Variants in PDE4D observed in about 807,000 individuals in gnomAD.
The protein encoded by PDE4D is 3',5'-cyclic-AMP phosphodiesterase 4D.
Under a neutral mutation model 87.4 loss-of-function variants are expected in PDE4D, and 24 were observed. That is an observed-to-expected ratio of 0.27 (90% CI 0.20 to 0.39). PDE4D has a LOEUF of 0.39. Ranked by LOEUF, PDE4D falls within the 10% of genes least tolerant of loss-of-function variation. PDE4D has a pLI of 1.00. For missense variants in PDE4D, 714 were observed against 1,041.0 expected (o/e 0.69, Z 4.32); for synonymous variants, 384 against 383.2 (o/e 1.00, Z -0.02).
chr5:60,345,729 A>T (rs1286805040), intron 1 of PDE4D, among the ~76,000 whole-genome samples: 1 of 152,042 alleles, frequency 6.6e-6, no homozygotes, highest in Non-Finnish European at 1.5e-5. Context: ...ACTTTTTATT[A>T]TTAATAGTAT....
At chr5:60,194,141 GA>G (rs534149406) in intron 1 of PDE4D, among the ~76,000 whole-genome samples, 1 of 150,888 alleles carries the variant, frequency 6.6e-6, no homozygotes, top group South Asian at 2.1e-4. Flanking sequence ...CAAGCTATTT[GA>G]AAAAAAATGT....
rs142570839 is a variant in PDE4D, at chr5:59,092,491, A to C, written c.809-53520T>G. ...ATTTTACATTACTAAGATATTAATA[A>C]ATAGGTCAATTAATACTTTTGATAG... On this transcript the variant is annotated intron_variant, in intron 5 of 14. Coordinates refer to ENST00000340635, the MANE Select transcript of PDE4D (RefSeq NM_001104631.2). 1.6e-4 allele frequency among the ~76,000 whole-genome samples: 24 copies of C among 152,326 alleles called. 1 individual carries two copies. In the East Asian group the frequency reaches 3.7e-3, roughly 23 times the overall value.
At chr5:59,323,735 C>G (rs988053482) in intron 1 of PDE4D, among the ~76,000 whole-genome samples, 1 of 152,112 alleles carries the variant, frequency 6.6e-6, no homozygotes, top group South Asian at 2.1e-4. Context: ...GTTCTACCTA[C>G]TTTTGGTCTT....
intron 1 of PDE4D, among the ~76,000 whole-genome samples, chr5:59,295,749 A>G (rs2153557796): frequency 6.6e-6 from 1 of 152,126 alleles, no homozygotes; most frequent in South Asian, 2.1e-4. Context: ...CGGCTCTCAG[A>G]GAAAGTGCTC....
rs977036860 is a variant in PDE4D at position 59,890,678 on chromosome 5, C to A, written c.455+2490G>T. On this transcript the variant is annotated intron_variant, in intron 1 of 14. Coordinates refer to ENST00000340635, the MANE Select transcript of PDE4D (RefSeq NM_001104631.2). ...CATTTATTTAAGGTGGGCTCACCAC[C>A]TTTGATGAGGCAGGAGACTTGGGTT... Among the ~76,000 whole-genome samples the A allele has an allele frequency of 4.3e-4, 65 of 152,178 alleles. 1 individual carries two copies. Among genetic ancestry groups the A allele is most frequent in the Non-Finnish European group, 1.5e-4 (10 of 68,034 alleles).
In PDE4D at chr5:59,410,884, A is replaced by G. The variant is rs575577277; in HGVS notation, c.456-194916T>C. ...TCTCCTCTCTTGGCATTATAAGGCTAACTGACAGAGTTCTTATTCCCAGGT... is the reference window on the plus strand; with the variant it reads ...TCTCCTCTCTTGGCATTATAAGGCTGACTGACAGAGTTCTTATTCCCAGGT... On this transcript the variant is annotated intron_variant, in intron 1 of 14. Transcript: ENST00000340635. Among the ~76,000 whole-genome samples the G allele has an allele frequency of 1.5e-3, 231 of 152,318 alleles. 1 individual carries two copies. The highest frequency in any genetic ancestry group is 5.3e-3 in the African/African-American group (220 of 41,568).
intron 1 of PDE4D, among the ~76,000 whole-genome samples, chr5:59,787,952 T>G (rs900456122): frequency 6.6e-6 from 1 of 152,140 alleles, no homozygotes; most frequent in Non-Finnish European, 1.5e-5. Context: ...GCTAATATAT[T>G]GAGTGACATA....
intron 1 of PDE4D, among the ~76,000 whole-genome samples, chr5:59,722,497 T>G (rs759839973): frequency 1.3e-5 from 2 of 152,200 alleles, no homozygotes; most frequent in Non-Finnish European, 2.9e-5. Flanking sequence ...AGTAGTTTTT[T>G]TCCCAACTTC....
chr5:60,013,736 C>T (rs1416787787), intron 2 of PDE4D, among the ~76,000 whole-genome samples: 1 of 152,144 alleles, frequency 6.6e-6, no homozygotes, highest in East Asian at 1.9e-4. Context: ...CATGTTGATC[C>T]TGGCCTTGCC....
At chr5:59,414,823 G>C (rs1327827388) in intron 1 of PDE4D, among the ~76,000 whole-genome samples, 1 of 152,232 alleles carries the variant, frequency 6.6e-6, no homozygotes, top group African/African-American at 2.4e-5. Context: ...TATGGCAGAA[G>C]TCTGTGTGGA....
chr5:59,447,211 T>C (rs1798483856), intron 1 of PDE4D, among the ~76,000 whole-genome samples: 1 of 152,198 alleles, frequency 6.6e-6, no homozygotes, highest in South Asian at 2.1e-4. Flanking sequence ...TACAACTGAA[T>C]CTATCAGCTG....
chr5:59,685,104 T>A (rs778830029), intron 1 of PDE4D, among the ~76,000 whole-genome samples: 4 of 152,210 alleles, frequency 2.6e-5, no homozygotes, highest in Admixed American at 1.3e-4. Context: ...ATGAAGCAAA[T>A]TGGGACTTTG....
At chr5:60,087,228 C>T (rs1774629510) in intron 2 of PDE4D, among the ~76,000 whole-genome samples, 1 of 152,120 alleles carries the variant, frequency 6.6e-6, no homozygotes. Flanking sequence ...AATAACAGGC[C>T]AACATTGAAG....
At chr5:59,404,439 A>G (rs1441227637) in intron 1 of PDE4D, among the ~76,000 whole-genome samples, 1 of 152,098 alleles carries the variant, frequency 6.6e-6, no homozygotes, top group Non-Finnish European at 1.5e-5. Flanking sequence ...CAGGTATATC[A>G]CTTGAGGTCA....
chr5:59,376,089 G>A (rs1784683970), intron 1 of PDE4D, among the ~76,000 whole-genome samples: 1 of 152,168 alleles, frequency 6.6e-6, no homozygotes, highest in Non-Finnish European at 1.5e-5. Context: ...CATACTGAAT[G>A]GGCAGAAGCT....
chr5:60,503,015 A>G (rs550925122), intron 1 of PDE4D, among the ~76,000 whole-genome samples: 1 of 152,184 alleles, frequency 6.6e-6, no homozygotes, highest in Non-Finnish European at 1.5e-5. Context: ...TTATGCTCTC[A>G]GCAGCAAGCC....
chr5:59,710,055 T>C (rs533401331), intron 1 of PDE4D, among the ~76,000 whole-genome samples: 3 of 152,294 alleles, frequency 2.0e-5, no homozygotes, highest in Admixed American at 1.3e-4. Context: ...ATTCTGATTC[T>C]GGGTGAGACA....
At chr5:59,378,286 A>G (rs1785079524) in intron 1 of PDE4D, among the ~76,000 whole-genome samples, 2 of 152,206 alleles carry the variant, frequency 1.3e-5, no homozygotes, top group Admixed American at 6.5e-5. Context: ...ACCAGAGGGT[A>G]GAAGGTGGGA....
intron 1 of PDE4D, among the ~76,000 whole-genome samples, chr5:59,383,988 A>C (rs912166889): frequency 6.6e-6 from 1 of 152,130 alleles, no homozygotes; most frequent in African/African-American, 2.4e-5. Flanking sequence ...TCCTGGACTC[A>C]AGCAATCCTC....
Sources: gnomAD v4.1 joint callset for allele counts (sites outside exome capture counted in the v4.1 genomes callset) on GRCh38, gnomAD v4.1.1 for gene constraint, MANE v1.5 for transcripts, NCBI Gene and HGNC (gene_info 2026-07-23, HGNC 2026-07-21) for gene names.